RANBP2: variants seen among roughly 807,000 people sequenced by gnomAD.
The protein encoded by RANBP2 is RAN binding protein 2.
A neutral mutation model predicts 303.6 loss-of-function variants in RANBP2; 57 were observed. That is an observed-to-expected ratio of 0.19 (90% CI 0.15 to 0.23). The LOEUF is 0.23. RANBP2 is among the 10% of genes least tolerant of loss of function. RANBP2 has a pLI of 1.00. For missense variants in RANBP2, 3,138 were observed against 3,780.8 expected, an observed-to-expected ratio of 0.83 and a Z score of 4.46; for synonymous variants, 1,167 against 1,301.5, an observed-to-expected ratio of 0.90 and a Z score of 2.23.
the RANBP2 span, among the ~76,000 whole-genome samples, chr2:109,531,585 T>A: frequency 1.4e-4 from 22 of 152,236 alleles, no homozygotes; most frequent in Admixed American, 7.8e-4. Flanking sequence ...CTCATTGGAA[T>A]CATGATTGAT....
the RANBP2 span, among the ~76,000 whole-genome samples, chr2:108,881,874 T>C: frequency 6.6e-6 from 1 of 152,278 alleles, no homozygotes; most frequent in Admixed American, 6.5e-5. Flanking sequence ...CCAGGCACGA[T>C]GGCTCACTCT....
chr2:109,568,083 C>T, the RANBP2 span: 1 of 865,862 alleles, frequency 1.2e-6, no homozygotes, highest in Non-Finnish European at 1.7e-6. Flanking sequence ...TTTCCCTAAA[C>T]CTAGATCGGG....
the RANBP2 span, among the ~76,000 whole-genome samples, chr2:109,140,003 G>C: frequency 3.3e-5 from 5 of 152,158 alleles, no homozygotes; most frequent in Non-Finnish European, 5.9e-5. Context: ...ATTGATCAGA[G>C]GTAGTGACTC....
At chr2:108,864,784 A>C in the RANBP2 span, among the ~76,000 whole-genome samples, 1 of 117,904 alleles carries the variant, frequency 8.5e-6, no homozygotes, top group African/African-American at 3.1e-5. Flanking sequence ...ACAGAGCGAG[A>C]CTCCATCTCA....
the RANBP2 span, among the ~76,000 whole-genome samples, chr2:109,612,136 C>A: frequency 6.6e-6 from 1 of 151,848 alleles, no homozygotes; most frequent in Non-Finnish European, 1.5e-5. Context: ...CCCCAGCAAA[C>A]TGCAGATATA....
the RANBP2 span, among the ~76,000 whole-genome samples, chr2:108,878,116 A>G: frequency 6.6e-6 from 1 of 152,242 alleles, no homozygotes; most frequent in Non-Finnish European, 1.5e-5. Flanking sequence ...GATGAAAGAA[A>G]ACAGTTTATT....
the RANBP2 span, among the ~76,000 whole-genome samples, chr2:109,239,611 G>A: frequency 1.5e-4 from 23 of 152,286 alleles, no homozygotes; most frequent in East Asian, 3.5e-3. Context: ...AGAGCCAGGC[G>A]TGATCATCCA....
the RANBP2 span, among the ~76,000 whole-genome samples, chr2:108,983,553 A>C: frequency 6.6e-6 from 1 of 152,146 alleles, no homozygotes; most frequent in African/African-American, 2.4e-5. Context: ...TCAAGTCAAC[A>C]ATCCCGCCCT....
chr2:109,516,573 G>T, the RANBP2 span, among the ~76,000 whole-genome samples: 12,902 of 152,238 alleles, frequency 0.085, 1,024 homozygotes, highest in East Asian at 0.23. Context: ...CCACTGGAGG[G>T]CGTGCTGGTC....
the RANBP2 span, among the ~76,000 whole-genome samples, chr2:109,140,506 G>A: frequency 1.3e-5 from 2 of 151,476 alleles, no homozygotes; most frequent in Admixed American, 1.3e-4. Context: ...TCAGCCTCCC[G>A]AGTAGCTGGG....
chr2:108,810,315 C>T, the RANBP2 span, among the ~76,000 whole-genome samples: 9 of 152,080 alleles, frequency 5.9e-5, no homozygotes, highest in African/African-American at 2.2e-4. Flanking sequence ...GAAGTACATT[C>T]CTTCTGTACC....
chr2:108,931,124 C>A, the RANBP2 span: 3 of 1,023,788 alleles, frequency 2.9e-6, no homozygotes, highest in Non-Finnish European at 4.6e-6. Context: ...ATATAAGGTG[C>A]CTTCCAGCAA....
At chr2:108,732,216 ATAAT>A (rs1266932766) in intron 4 of RANBP2, among the ~76,000 whole-genome samples, 4 of 152,142 alleles carry the variant, frequency 2.6e-5, no homozygotes, top group African/African-American at 9.7e-5. Flanking sequence ...TAATTTTGAA[ATAAT>A]TATAGATTTT....
chr2:109,396,336 T>A, the RANBP2 span, among the ~76,000 whole-genome samples: 1 of 152,214 alleles, frequency 6.6e-6, no homozygotes, highest in Non-Finnish European at 1.5e-5. Context: ...AACCCTAGAT[T>A]TAGATCACAC....
At chr2:109,149,056 T>G in the RANBP2 span, among the ~76,000 whole-genome samples, 1 of 152,190 alleles carries the variant, frequency 6.6e-6, no homozygotes, top group African/African-American at 2.4e-5. Context: ...GCTCTTTCCT[T>G]CCTTCAGAGG....
At chr2:109,457,748 A>AT in the RANBP2 span, among the ~76,000 whole-genome samples, 2 of 152,118 alleles carry the variant, frequency 1.3e-5, no homozygotes, top group Non-Finnish European at 2.9e-5. Flanking sequence ...AAGACATGGG[A>AT]TTTTTTTCCA....
At chr2:109,522,156 A>C in the RANBP2 span, among the ~76,000 whole-genome samples, 10 of 152,158 alleles carry the variant, frequency 6.6e-5, no homozygotes, top group African/African-American at 2.4e-4. Flanking sequence ...CCAAAGTTCC[A>C]AACTTTGGAC....
At chr2:109,003,556 G>A in the RANBP2 span, among the ~76,000 whole-genome samples, 1 of 151,938 alleles carries the variant, frequency 6.6e-6, no homozygotes, top group Non-Finnish European at 1.5e-5. Context: ...GATTACAGGT[G>A]TGCGCCACTA....
the RANBP2 span, among the ~76,000 whole-genome samples, chr2:109,489,864 A>C: frequency 6.6e-6 from 1 of 152,082 alleles, no homozygotes; most frequent in Non-Finnish European, 1.5e-5. Flanking sequence ...CAGGCTCCTG[A>C]GTATCTGGGA....
Sources: gnomAD v4.1 joint callset for allele counts (sites outside exome capture counted in the v4.1 genomes callset) on GRCh38, gnomAD v4.1.1 for gene constraint, MANE v1.5 for transcripts, NCBI Gene and HGNC (gene_info 2026-07-23, HGNC 2026-07-21) for gene names.